RNGTT: variants seen among roughly 807,000 people sequenced by gnomAD.
RNGTT encodes the protein mRNA-capping enzyme.
A neutral mutation model predicts 79.3 loss-of-function variants in RNGTT; 33 were observed. That is an observed-to-expected ratio of 0.42 (90% CI 0.32 to 0.56). The LOEUF (loss-of-function observed/expected upper bound fraction) is 0.56, where lower values mean the gene tolerates loss of function less well. Ranked by LOEUF, RNGTT falls within the 20% of genes least tolerant of loss-of-function variation. RNGTT has a pLI of 0.17. For synonymous variants in RNGTT, 222 were observed against 235.9 expected, an observed-to-expected ratio of 0.94 and a Z score of 0.54; for missense variants, 497 against 739.1, an observed-to-expected ratio of 0.67 and a Z score of 3.80.
intron 13 of RNGTT, among the ~76,000 whole-genome samples, chr6:88,682,672 T>G (rs1318179021): frequency 2.0e-5 from 3 of 152,156 alleles, no homozygotes; most frequent in Admixed American, 1.3e-4. Flanking sequence ...GCCATGATGG[T>G]GTGCTGCAAA....
At chr6:88,885,118 T>TCACACACACA (rs150058750) in intron 8 of RNGTT, among the ~76,000 whole-genome samples, 27 of 149,152 alleles carry the variant, frequency 1.8e-4, no homozygotes, top group Admixed American at 5.4e-4. Context: ...ATGTATATAC[T>TCACACACACA]CACACACACA....
chr6:88,897,492 T>C (rs539891385), intron 6 of RNGTT, among the ~76,000 whole-genome samples: 4 of 152,210 alleles, frequency 2.6e-5, no homozygotes, highest in South Asian at 2.1e-4. Context: ...TCAACTTCAT[T>C]GACTTCACTA....
At chr6:88,672,089 C>G (rs1180155739) in intron 14 of RNGTT, among the ~76,000 whole-genome samples, 1 of 151,652 alleles carries the variant, frequency 6.6e-6, no homozygotes, top group Non-Finnish European at 1.5e-5. Context: ...GCAAATGCAA[C>G]AAAAACAAAA....
intron 12 of RNGTT, among the ~76,000 whole-genome samples, chr6:88,774,760 T>C (rs1173284255): frequency 1.3e-5 from 2 of 151,864 alleles, no homozygotes; most frequent in African/African-American, 4.8e-5. Flanking sequence ...ATATTTAAAA[T>C]AGAAAAAAAT....
At chr6:88,816,152 C>T (rs1780307841) in intron 11 of RNGTT, among the ~76,000 whole-genome samples, 1 of 152,120 alleles carries the variant, frequency 6.6e-6, no homozygotes, top group Non-Finnish European at 1.5e-5. Flanking sequence ...TTTAATGCAG[C>T]AAAGTAATTA....
chr6:88,775,400 T>C (rs901462331), intron 12 of RNGTT, among the ~76,000 whole-genome samples: 5 of 152,110 alleles, frequency 3.3e-5, no homozygotes, highest in Admixed American at 2.6e-4. Context: ...AACTCCCCCA[T>C]CCTCAGCACT....
At chr6:88,823,181 C>A (rs1780548279) in intron 11 of RNGTT, among the ~76,000 whole-genome samples, 1 of 152,136 alleles carries the variant, frequency 6.6e-6, no homozygotes, top group South Asian at 2.1e-4. Flanking sequence ...AATCCCAGCA[C>A]TTTGGGAGGC....
At chr6:88,963,277 G>C (rs764698536) in intron 1 of RNGTT, 69 bp downstream of exon 1, 61 of 1,513,558 alleles carry the variant, frequency 4.0e-5, no homozygotes, top group Non-Finnish European at 5.6e-5. Flanking sequence ...CAAAAGCTGA[G>C]CTCCTCAGTC....
intron 14 of RNGTT, among the ~76,000 whole-genome samples, chr6:88,657,214 G>T (rs1312807605): frequency 1.3e-5 from 2 of 152,030 alleles, no homozygotes; most frequent in Non-Finnish European, 2.9e-5. Context: ...AAGTATGACA[G>T]GGGAAAAGTC....
chr6:88,723,324 G>A (rs779560245), intron 13 of RNGTT, among the ~76,000 whole-genome samples: 1 of 152,148 alleles, frequency 6.6e-6, no homozygotes, highest in African/African-American at 2.4e-5. Context: ...AAAGAACAAC[G>A]AACAATTCTT....
rs544548103 is a variant in RNGTT at position 88,644,547 on chromosome 6, A to C, written c.1507-30152T>G. Among the ~76,000 whole-genome samples, 178 of 152,014 alleles carry C rather than the reference A, an allele frequency of 1.2e-3. 1 individual carries two copies. The highest frequency in any genetic ancestry group is 4.2e-3 in the African/African-American group (172 of 41,320). Reference sequence around the variant, plus strand: ...TACCAAAGCCTGGCAGAGACACAACAAAAAAAGAGAATTTTAGACCAATAT... The same window carrying C: ...TACCAAAGCCTGGCAGAGACACAACCAAAAAAGAGAATTTTAGACCAATAT... On this transcript the variant is annotated intron_variant, in intron 14 of 15. Transcript: ENST00000369485.
At chr6:88,895,954 C>T (rs1783232123) in intron 6 of RNGTT, among the ~76,000 whole-genome samples, 1 of 152,006 alleles carries the variant, frequency 6.6e-6, no homozygotes, top group South Asian at 2.1e-4. Flanking sequence ...TCATAAATAA[C>T]CTTCCCCATC....
intron 13 of RNGTT, among the ~76,000 whole-genome samples, chr6:88,695,591 G>A (rs1056890844): frequency 6.6e-6 from 1 of 152,230 alleles, no homozygotes; most frequent in African/African-American, 2.4e-5. Context: ...ACTATATAGA[G>A]GTTCCTCCAA....
At chr6:88,622,625 G>C (rs1304523378) in intron 14 of RNGTT, among the ~76,000 whole-genome samples, 1 of 152,054 alleles carries the variant, frequency 6.6e-6, no homozygotes, top group East Asian at 1.9e-4. Flanking sequence ...AGGCTTCTTT[G>C]CTAACTACTT....
intron 8 of RNGTT, among the ~76,000 whole-genome samples, chr6:88,863,075 A>G (rs904901487): frequency 2.0e-5 from 3 of 152,168 alleles, no homozygotes; most frequent in African/African-American, 7.2e-5. Context: ...GCTCCCTTCT[A>G]TTATGTGATC....
Position 88,727,904 on chromosome 6 carries a change from G to A in RNGTT, c.1439+41870C>T, listed in dbSNP as rs183924498. 1.8e-3 allele frequency among the ~76,000 whole-genome samples: 280 copies of A among 152,196 alleles called. 3 individuals are homozygous for A. Among genetic ancestry groups the A allele is most frequent in the African/African-American group, 6.5e-3 (272 of 41,530 alleles). Reference sequence around the variant, plus strand: ...CAGAGGTACCACCCCTAGAATTTCCGGTAAACTAGCACCAGCCTGAGGATC... The same window carrying A: ...CAGAGGTACCACCCCTAGAATTTCCAGTAAACTAGCACCAGCCTGAGGATC... On this transcript the variant is annotated intron_variant, in intron 13 of 15. Transcript: ENST00000369485.
intron 11 of RNGTT, among the ~76,000 whole-genome samples, chr6:88,818,920 A>G (rs1384401643): frequency 3.3e-5 from 5 of 152,244 alleles, no homozygotes; most frequent in African/African-American, 7.2e-5. Context: ...GTCATAATAA[A>G]TAAAAAGACT....
At chr6:88,669,584 G>A (rs1774551387) in intron 14 of RNGTT, among the ~76,000 whole-genome samples, 4 of 152,230 alleles carry the variant, frequency 2.6e-5, no homozygotes, top group Admixed American at 1.3e-4. Context: ...ATATTGAGAA[G>A]AACCCATTTA....
intron 13 of RNGTT, among the ~76,000 whole-genome samples, chr6:88,683,026 A>G (rs1300163229): frequency 6.6e-6 from 1 of 152,198 alleles, no homozygotes; most frequent in Non-Finnish European, 1.5e-5. Context: ...ATATATATGA[A>G]AAAGAAGAAA....
Sources: gnomAD v4.1 joint callset for allele counts (sites outside exome capture counted in the v4.1 genomes callset) on GRCh38, gnomAD v4.1.1 for gene constraint, MANE v1.5 for transcripts, NCBI Gene and HGNC (gene_info 2026-07-23, HGNC 2026-07-21) for gene names.